FYN: variants seen among roughly 807,000 people sequenced by gnomAD.
FYN encodes the protein FYN proto-oncogene, Src family tyrosine kinase.
FYN carries 10 observed loss-of-function variants against 70.2 expected under a neutral mutation model. The ratio of observed to expected loss-of-function variants is 0.14; its 90% CI spans 0.09 to 0.24. FYN has a LOEUF of 0.24. FYN is among the 10% of genes least tolerant of loss of function. The probability of loss-of-function intolerance (pLI) is 1.00; values close to 1 mark genes in which losing one functional copy is unlikely to be tolerated. For missense variants in FYN, 319 were observed against 673.1 expected (o/e 0.47, Z 5.82); for synonymous variants, 236 against 248.6 (o/e 0.95, Z 0.48).
At chr6:111,775,627 G>A (rs1770902042) in intron 3 of FYN, among the ~76,000 whole-genome samples, 1 of 152,194 alleles carries the variant, frequency 6.6e-6, no homozygotes, top group Admixed American at 6.5e-5. Context: ...GGAACTGTAA[G>A]CCCTGAAGAA....
intron 2 of FYN, among the ~76,000 whole-genome samples, chr6:111,813,410 T>C (rs766054264): frequency 3.3e-5 from 5 of 152,244 alleles, no homozygotes; most frequent in Non-Finnish European, 7.3e-5. Context: ...ATAATCATAC[T>C]GCACTAGCCT....
intron 1 of FYN, among the ~76,000 whole-genome samples, chr6:111,848,401 C>G (rs2114484536): frequency 6.6e-6 from 1 of 152,302 alleles, no homozygotes; most frequent in African/African-American, 2.4e-5. Context: ...AAAGAATGAG[C>G]CTTCACGCTA....
chr6:111,828,018 T>C (rs1772894486), intron 2 of FYN, among the ~76,000 whole-genome samples: 1 of 152,214 alleles, frequency 6.6e-6, no homozygotes, highest in Non-Finnish European at 1.5e-5. Flanking sequence ...CTTCACTCCG[T>C]GTCAAGTTGA....
intron 2 of FYN, among the ~76,000 whole-genome samples, chr6:111,799,518 G>C (rs1216009982): frequency 6.6e-6 from 1 of 152,164 alleles, no homozygotes; most frequent in Non-Finnish European, 1.5e-5. Context: ...CCTGGTGTTC[G>C]CATTTTATGT....
chr6:111,729,902 CT>C (rs755676646), intron 3 of FYN, among the ~76,000 whole-genome samples: 3 of 152,114 alleles, frequency 2.0e-5, no homozygotes, highest in Admixed American at 6.5e-5. Flanking sequence ...CAAGAATGTA[CT>C]TTTTTTATAA....
intron 2 of FYN, among the ~76,000 whole-genome samples, chr6:111,840,755 G>A (rs1773334207): frequency 6.6e-6 from 1 of 152,080 alleles, no homozygotes; most frequent in African/African-American, 2.4e-5. Flanking sequence ...AAGTATTTAG[G>A]GGCACTGACA....
chr6:111,697,410 A>T lies in FYN; in HGVS notation c.863-954T>A, dbSNP rs149690511. Among the ~76,000 whole-genome samples, 469 of 152,340 alleles carry T rather than the reference A, an allele frequency of 3.1e-3. 6 individuals carry two copies. Among genetic ancestry groups the T allele is most frequent in the African/African-American group, 0.011 (449 of 41,576 alleles). On this transcript the variant is annotated intron_variant, in intron 9 of 13. Transcript: ENST00000354650. ...TAATTTAGATTATTTTCTATTTGAA[A>T]AAGAAGACTGGTTTAAATTAAGATT...
At chr6:111,810,735 C>T (rs1421775457) in intron 2 of FYN, among the ~76,000 whole-genome samples, 4 of 152,288 alleles carry the variant, frequency 2.6e-5, no homozygotes, top group Admixed American at 6.5e-5. Flanking sequence ...TGTGCCTCCC[C>T]GAAAACCCAC....
chr6:111,759,722 C>T (rs996550559), intron 3 of FYN: 4 of 152,224 alleles, frequency 2.6e-5, no homozygotes, highest in Non-Finnish European at 5.9e-5. Context: ...TGTAAACTCA[C>T]TGTTGTATGT....
chr6:111,838,977 G>C (rs1773271968), intron 2 of FYN, among the ~76,000 whole-genome samples: 1 of 152,112 alleles, frequency 6.6e-6, no homozygotes, highest in Non-Finnish European at 1.5e-5. Context: ...TTTACTCTGG[G>C]CTCAAGTATC....
rs1330185859 is a variant in FYN at position 111,832,641 on chromosome 6, A to T, written c.-82+13948T>A. Among the ~76,000 whole-genome samples, 4 of 152,234 alleles carry T rather than the reference A, an allele frequency of 2.6e-5. No homozygotes were observed. The East Asian group carries it at 7.7e-4, about 29-fold the overall frequency. ...TAATATATAATATTCAATTTAATAG[A>T]TGTATCACAGTTTACATAATTAAAT... On this transcript the variant is annotated intron_variant, in intron 2 of 13. Coordinates refer to ENST00000354650, the MANE Select transcript of FYN (RefSeq NM_002037.5).
At chr6:111,670,938 C>A (rs1234617075) in intron 13 of FYN, among the ~76,000 whole-genome samples, 1 of 152,222 alleles carries the variant, frequency 6.6e-6, no homozygotes, top group Non-Finnish European at 1.5e-5. Flanking sequence ...AACAATCCAT[C>A]AGTATGAAAT....
chr6:111,723,032 T>TTTTCTCTA (rs1801028236), intron 3 of FYN, among the ~76,000 whole-genome samples: 1 of 152,180 alleles, frequency 6.6e-6, no homozygotes, highest in African/African-American at 2.4e-5. Flanking sequence ...TTGTGCACTG[T>TTTTCTCTA]GATAGAGAAA....
intron 2 of FYN, among the ~76,000 whole-genome samples, chr6:111,788,022 C>T (rs529125632): frequency 2.6e-4 from 40 of 152,330 alleles, no homozygotes; most frequent in African/African-American, 9.6e-4. Context: ...TGTCCCTCCT[C>T]GGAGCCTTCA....
At chr6:111,832,656 C>T (rs1380467414) in intron 2 of FYN, among the ~76,000 whole-genome samples, 4 of 152,038 alleles carry the variant, frequency 2.6e-5, no homozygotes, top group Non-Finnish European at 4.4e-5. Context: ...TCACAGTTTA[C>T]ATAATTAAAT....
At chr6:111,760,819 A>G (rs1378686759) in intron 3 of FYN, among the ~76,000 whole-genome samples, 3 of 152,308 alleles carry the variant, frequency 2.0e-5, no homozygotes, top group East Asian at 1.9e-4. Flanking sequence ...TTTTGATTCC[A>G]GTCTCACTTT....
intron 12 of FYN, among the ~76,000 whole-genome samples, chr6:111,678,106 ATATGTGTGTG>A (rs1298091360): frequency 2.0e-3 from 234 of 118,594 alleles, no homozygotes; most frequent in South Asian, 6.9e-3. Context: ...GAAGGCCATA[ATATGTGTGTG>A]TGTGTGTGTG....
intron 2 of FYN, among the ~76,000 whole-genome samples, chr6:111,827,005 TG>T (rs916618673): frequency 6.6e-6 from 1 of 152,220 alleles, no homozygotes; most frequent in Non-Finnish European, 1.5e-5. Flanking sequence ...CAGAATTTCC[TG>T]AGCCCTTATC....
intron 2 of FYN, among the ~76,000 whole-genome samples, chr6:111,840,467 T>C (rs1773323292): frequency 6.6e-6 from 1 of 152,158 alleles, no homozygotes; most frequent in Admixed American, 6.5e-5. Flanking sequence ...ATTCTCTCCA[T>C]CTCTGAAGGT....
Sources: gnomAD v4.1 joint callset for allele counts (sites outside exome capture counted in the v4.1 genomes callset) on GRCh38, gnomAD v4.1.1 for gene constraint, MANE v1.5 for transcripts, NCBI Gene and HGNC (gene_info 2026-07-23, HGNC 2026-07-21) for gene names.